Variants in SIK3 observed in about 807,000 individuals in gnomAD.
SIK3 encodes SIK family kinase 3.
In SIK3, 28 loss-of-function variants were observed where a neutral mutation model predicts 144.2. That is an observed-to-expected ratio of 0.19 (90% CI 0.14 to 0.27). The LOEUF (loss-of-function observed/expected upper bound fraction) is 0.27. Among genes scored for constraint, SIK3 ranks in the 10% least tolerant of loss-of-function variants. The pLI, the probability that SIK3 is intolerant of heterozygous loss-of-function variation, is 1.00. For synonymous variants in SIK3, 686 were observed against 676.3 expected, an observed-to-expected ratio of 1.01 and a Z score of -0.22; for missense variants, 1,319 against 1,776.0, an observed-to-expected ratio of 0.74 and a Z score of 4.62.
In SIK3 at chr11:117,098,296, G is replaced by A. The variant is rs758426920; in HGVS notation, c.120C>T (p.Ala40=). 20 of 1,197,932 alleles carry A rather than the reference G, an allele frequency of 1.7e-5. 1 individual carries two copies. In the South Asian group the frequency reaches 6.1e-4, roughly 37 times the overall value. 74.2% of individuals were successfully genotyped at this position (1,197,932 alleles called of 1,614,324 possible). A position where few individuals can be genotyped will look rare whatever the true frequency, so the allele number is the denominator to read the frequency against. ...PAPGSPAAPA[A]VSPAAGQPRP... ...GCGGCTGGCCGGCCGCAGGGGACAC[G>A]GCAGCGGGGGCGGCTGGGGACCCCG... Residue 40 remains alanine (A), a synonymous_variant, in exon 1 of 25, where the codon GCC becomes GCT. Coordinates refer to ENST00000445177, the MANE Select transcript of SIK3 (RefSeq NM_001366686.3).
intron 1 of SIK3, among the ~76,000 whole-genome samples, chr11:116,984,847 T>A (rs894510727): frequency 1.3e-5 from 2 of 152,186 alleles, no homozygotes; most frequent in African/African-American, 2.4e-5. Flanking sequence ...AAAACTTAGA[T>A]AGCTTTACCC....
At chr11:116,940,847 A>G (rs1444878256) in intron 3 of SIK3, among the ~76,000 whole-genome samples, 1 of 152,128 alleles carries the variant, frequency 6.6e-6, no homozygotes, top group Admixed American at 6.6e-5. Flanking sequence ...ATATTAAGAA[A>G]ACAGAACAAA....
chr11:116,848,208 A>AAT (rs112030791), intron 22 of SIK3, among the ~76,000 whole-genome samples: 1 of 151,574 alleles, frequency 6.6e-6, no homozygotes, highest in Non-Finnish European at 1.5e-5. Flanking sequence ...AATACAAAAA[A>AAT]GGGTGGCGGG....
At chr11:117,055,846 CCCTTCTG>C (rs1358258628) in intron 1 of SIK3, among the ~76,000 whole-genome samples, 2 of 152,110 alleles carry the variant, frequency 1.3e-5, no homozygotes, top group Non-Finnish European at 2.9e-5. Context: ...TCCCTTTTTG[CCCTTCTG>C]CCTTCTGCCA....
Position 117,020,246 on chromosome 11 carries a change from T to TATATACATATATATATATATACACAC in SIK3, c.274-63183_274-63182insGTGTGTATATATATATATATGTATAT. The stretch of plus-strand genomic sequence containing the variant: ...GTATGTGTATATGTGCATATATATA[T>TATATACATATATATATATATACACAC]ACACATACATATATCTCCATGGTTC... On this transcript the variant is annotated intron_variant, in intron 1 of 24. Coordinates refer to ENST00000445177, the MANE Select transcript of SIK3 (RefSeq NM_001366686.3). Among the ~76,000 whole-genome samples the TATATACATATATATATATATACACAC allele has an allele frequency of 3.3e-4, 42 of 127,296 alleles. 3 individuals carry two copies. The highest frequency in any genetic ancestry group is 1.3e-3 in the African/African-American group (38 of 28,822). 83.5% of individuals were successfully genotyped at this position (127,296 alleles called of 152,430 possible).
Position 117,012,878 on chromosome 11 carries a change from G to A in SIK3, c.274-55814C>T, listed in dbSNP as rs140269606. ...TTTTTTTTTTTTTTTTTGAGACAGA[G>A]TCTCGCTCTGTTGCCCAGGCTGGAG... On this transcript the variant is annotated intron_variant, in intron 1 of 24. Transcript: ENST00000445177. Among the ~76,000 whole-genome samples the A allele has an allele frequency of 3.6e-5, 4 of 112,570 alleles. No homozygotes were observed. The East Asian group carries it at 1.1e-3, about 30-fold the overall frequency. 73.9% of individuals were successfully genotyped at this position (112,570 alleles called of 152,430 possible).
intron 6 of SIK3, among the ~76,000 whole-genome samples, chr11:116,881,178 T>C (rs1043539180): frequency 5.9e-5 from 9 of 151,932 alleles, no homozygotes; most frequent in Admixed American, 1.3e-4. Context: ...AGGGCCCCAT[T>C]ATTTGCTCCC....
chr11:116,862,791 C>T (rs191970529), intron 16 of SIK3, among the ~76,000 whole-genome samples: 14 of 152,258 alleles, frequency 9.2e-5, no homozygotes, highest in East Asian at 5.8e-4. Context: ...CGCAGAGTGC[C>T]AGGCGCGCAA....
At chr11:116,933,685 T>C (rs1203804063) in intron 3 of SIK3, among the ~76,000 whole-genome samples, 1 of 151,978 alleles carries the variant, frequency 6.6e-6, no homozygotes, top group Non-Finnish European at 1.5e-5. Flanking sequence ...GTGTTGCCCA[T>C]GTTGGAGTGC....
chr11:116,980,548 G>A (rs1036490423), intron 1 of SIK3, among the ~76,000 whole-genome samples: 5 of 152,126 alleles, frequency 3.3e-5, no homozygotes, highest in African/African-American at 9.7e-5. Flanking sequence ...TCACACCATC[G>A]TAAAGTTGAA....
chr11:116,858,716 G>A lies in SIK3; in HGVS notation c.2766-17C>T, dbSNP rs533748361. The A allele has an allele frequency of 1.2e-5, 19 of 1,524,114 alleles. No individual in the cohort carries two copies. The highest frequency in any genetic ancestry group is 1.7e-5 in the Non-Finnish European group (19 of 1,135,896). The allele number at this position is 1,524,114 out of a possible 1,614,324, so 94.4% of individuals were successfully genotyped here. ...ACGTTCAAGCTGCAGACACAAAAGGGAGTACCAGACATCCATGTAACAAGT... is the reference window on the plus strand; with the variant it reads ...ACGTTCAAGCTGCAGACACAAAAGGAAGTACCAGACATCCATGTAACAAGT... On this transcript the variant is annotated splice_polypyrimidine_tract_variant and intron_variant, in intron 20 of 24. Transcript: ENST00000445177. The surrounding 1 kb of genome is among the most constrained non-coding windows in gnomAD (Gnocchi z 5.4).
intron 11 of SIK3, 56 bp from the exon 12 acceptor site, chr11:116,874,112 TTA>T: frequency 1.9e-6 from 3 of 1,573,762 alleles, no homozygotes; most frequent in Non-Finnish European, 2.6e-6. Flanking sequence ...TCAAAAGTGC[TTA>T]TATCCCAAAA....
intron 1 of SIK3, among the ~76,000 whole-genome samples, chr11:116,957,627 T>C (rs1949189605): frequency 6.6e-6 from 1 of 152,262 alleles, no homozygotes; most frequent in African/African-American, 2.4e-5. Flanking sequence ...AAATGTTTAC[T>C]ATGGGCCAGG....
intron 1 of SIK3, among the ~76,000 whole-genome samples, chr11:117,047,871 T>A (rs925762041): frequency 1.3e-5 from 2 of 152,192 alleles, no homozygotes; most frequent in Admixed American, 6.5e-5. Flanking sequence ...TCGTACTGAT[T>A]TTTTTCTAAT....
intron 1 of SIK3, among the ~76,000 whole-genome samples, chr11:117,019,621 CT>C (rs570744315): frequency 9.9e-4 from 145 of 146,084 alleles, no homozygotes; most frequent in South Asian, 3.2e-3. Flanking sequence ...TCAACCCCTT[CT>C]TTTTTTTTTT....
In SIK3 at chr11:117,045,248, G is replaced by A. The variant is rs529874182; in HGVS notation, c.273+52895C>T. 7.2e-4 allele frequency among the ~76,000 whole-genome samples: 109 copies of A among 152,312 alleles called. 1 individual carries two copies. Among genetic ancestry groups the A allele is most frequent in the African/African-American group, 2.5e-3 (102 of 41,560 alleles). On this transcript the variant is annotated intron_variant, in intron 1 of 24. Transcript: ENST00000445177. ...TGTTCGCCAGCCAAAGGACTTGTGA[G>A]AATGAGAGCTACATGTGGCTTCTCC... is the stretch of plus-strand genomic sequence containing the variant.
At chr11:116,958,169 G>A (rs1260901879) in intron 1 of SIK3, among the ~76,000 whole-genome samples, 1 of 152,102 alleles carries the variant, frequency 6.6e-6, no homozygotes, top group East Asian at 1.9e-4. Flanking sequence ...CACCAGAGAG[G>A]TAAAGGGAAC....
chr11:116,956,897 T>TGG lies in SIK3; in HGVS notation c.390+50_390+51insCC, dbSNP rs1284717560. 6 of 1,153,954 alleles carry TGG rather than the reference T, an allele frequency of 5.2e-6. No individual in the cohort carries two copies. In the Admixed American group the frequency reaches 7.9e-5, roughly 15 times the overall value. 71.5% of individuals were successfully genotyped at this position (1,153,954 alleles called of 1,614,324 possible). A position where few individuals can be genotyped will look rare whatever the true frequency, so the allele number is the denominator to read the frequency against. Reference sequence around the variant, plus strand: ...ACATTTCTTCAAAGGGAGCCATACATACAATATTCTGGGTTCTTTGCAGCT... The same window carrying TGG: ...ACATTTCTTCAAAGGGAGCCATACATGGACAATATTCTGGGTTCTTTGCAGCT... On this transcript the variant is annotated intron_variant, in intron 2 of 24. Transcript: ENST00000445177.
Position 116,846,496 on chromosome 11 carries a change from T to G in SIK3, c.4010A>C (p.His1337Pro), listed in dbSNP as rs777933547. ...EHPDLSDGSQ[H>P]LNSSCYPSTC... Reference sequence around the variant, plus strand: ...AGATGGATAGCAAGAGGAGTTTAAATGCTGGCTGCCATCACTCAGGTCTGG... The same window carrying G: ...AGATGGATAGCAAGAGGAGTTTAAAGGCTGGCTGCCATCACTCAGGTCTGG... The change falls in exon 24 of 25, where the codon CAT becomes CCT. Residue 1337 changes from histidine to proline, a missense_variant. By Grantham distance (77) the His-to-Pro change is moderately conservative (BLOSUM62 -2). Around this residue, in one of 8 missense-constraint regions of SIK3, gnomAD observed 646 missense variants for 763.7 expected, o/e 0.85. Coordinates refer to ENST00000445177, the MANE Select transcript of SIK3 (RefSeq NM_001366686.3). The surrounding 1 kb of genome is among the most constrained non-coding windows in gnomAD (Gnocchi z 4.1). 6.2e-7 allele frequency: 1 copy of G among 1,614,228 alleles called. No homozygotes were observed. Among genetic ancestry groups the G allele is most frequent in the Non-Finnish European group, 8.5e-7 (1 of 1,180,052 alleles).
Sources: allele counts gnomAD v4.1 joint callset (sites outside exome capture counted in the v4.1 genomes callset), GRCh38; gene constraint gnomAD v4.1.1; regional missense constraint gnomAD v4.1.1; non-coding constraint Gnocchi (gnomAD v3.1); transcripts MANE v1.5; gene names NCBI Gene and HGNC (gene_info 2026-07-23, HGNC 2026-07-21).